Variants in MTPN observed in about 807,000 individuals in gnomAD.
The protein encoded by MTPN is myotrophin, also known as granule cell differentiation protein.
In MTPN, 2 loss-of-function variants were observed where a neutral mutation model predicts 13.5. The ratio of observed to expected loss-of-function variants is 0.15; its 90% confidence interval spans 0.06 to 0.47. The LOEUF (loss-of-function observed/expected upper bound fraction) is 0.47, where lower values mean the gene tolerates loss of function less well. Ranked by LOEUF, MTPN falls within the 20% of genes least tolerant of loss-of-function variation. The pLI, the probability that MTPN is intolerant of heterozygous loss-of-function variation, is 0.97. For missense variants in MTPN, 79 were observed against 137.9 expected (o/e 0.57, Z 2.14); for synonymous variants, 46 against 51.7 (o/e 0.89, Z 0.48).
intron 3 of MTPN, among the ~76,000 whole-genome samples, chr7:135,931,567 G>C (rs1799021710): frequency 6.6e-6 from 1 of 152,152 alleles, no homozygotes; most frequent in African/African-American, 2.4e-5. Flanking sequence ...AAGTGGGAGA[G>C]ACGTCAGTGC....
intron 1 of MTPN, among the ~76,000 whole-genome samples, chr7:135,956,921 C>G (rs190308533): frequency 6.6e-6 from 1 of 152,176 alleles, no homozygotes; most frequent in Non-Finnish European, 1.5e-5. Flanking sequence ...TATTTGCTAT[C>G]TCCAGTGTTT....
At chr7:135,949,277 G>C (rs1799328453) in intron 3 of MTPN, among the ~76,000 whole-genome samples, 1 of 152,098 alleles carries the variant, frequency 6.6e-6, no homozygotes, top group Non-Finnish European at 1.5e-5. Context: ...ATATTTCCCA[G>C]GGATGAAATT....
intron 1 of MTPN, among the ~76,000 whole-genome samples, chr7:135,973,185 G>C (rs997773945): frequency 4.0e-5 from 6 of 149,586 alleles, no homozygotes; most frequent in African/African-American, 1.2e-4. Flanking sequence ...CACCTAAACT[G>C]TGTAAACTGA....
chr7:135,959,204 CAT>C (rs143825810), intron 1 of MTPN, among the ~76,000 whole-genome samples: 1,635 of 152,132 alleles, frequency 0.011, 35 homozygotes, highest in African/African-American at 0.038. Flanking sequence ...GTGGATGTAC[CAT>C]AGTTTACTTA....
intron 1 of MTPN, among the ~76,000 whole-genome samples, chr7:135,958,349 C>T (rs939152171): frequency 3.9e-5 from 6 of 152,206 alleles, no homozygotes; most frequent in African/African-American, 1.4e-4. Flanking sequence ...TCACTTATAA[C>T]AGCTTTGTCA....
Position 135,977,178 on chromosome 7 carries a change from A to G in MTPN, c.-78T>C. ...AGCAGCAAGCGGATGCCGCCGGGCG[A>G]GAGGGAGGCAGGGCCGCGCGAAGCC... On this transcript the variant is annotated 5_prime_UTR_variant, in exon 1 of 4. Transcript: ENST00000393085. The G allele has an allele frequency of 6.9e-7, 1 of 1,455,784 alleles. No homozygotes were observed. The highest frequency in any genetic ancestry group is 9.6e-7 in the Non-Finnish European group (1 of 1,039,608). 90.2% of individuals were successfully genotyped at this position (1,455,784 alleles called of 1,614,324 possible). A position where few individuals can be genotyped will look rare whatever the true frequency, so the allele number is the denominator to read the frequency against.
chr7:135,935,799 T>G (rs2116346524), intron 3 of MTPN, among the ~76,000 whole-genome samples: 1 of 152,238 alleles, frequency 6.6e-6, no homozygotes, highest in Non-Finnish European at 1.5e-5. Context: ...ATGGTTTCTT[T>G]CTTGTCCCTG....
rs557105715 is a variant in MTPN at position 135,970,520 on chromosome 7, ATAGG to A, written c.72+6505_72+6508del. 3.0e-4 allele frequency among the ~76,000 whole-genome samples: 45 copies of A among 152,304 alleles called. 1 individual carries two copies. In the South Asian group the frequency reaches 9.3e-3, roughly 32 times the overall value. Reference sequence around the variant, plus strand: ...TTTATATTTTAAAGAGAGGAACCACATAGGTAGGAAAAATAGTCAATGGGATATT... The same window carrying A: ...TTTATATTTTAAAGAGAGGAACCACATAGGAAAAATAGTCAATGGGATATT... On this transcript the variant is annotated intron_variant, in intron 1 of 3. Coordinates refer to ENST00000393085, the MANE Select transcript of MTPN (RefSeq NM_145808.4).
At chr7:135,935,406 A>ATT (rs373563395) in intron 3 of MTPN, among the ~76,000 whole-genome samples, 2 of 151,864 alleles carry the variant, frequency 1.3e-5, no homozygotes, top group African/African-American at 4.8e-5. Context: ...GCCTGACTAA[A>ATT]TTTTTTTGTA....
chr7:135,949,844 T>C (rs1461114489), intron 3 of MTPN, among the ~76,000 whole-genome samples: 1 of 152,216 alleles, frequency 6.6e-6, no homozygotes, highest in African/African-American at 2.4e-5. Context: ...TTCTCTTGCT[T>C]CTTTTAGTAG....
intron 1 of MTPN, among the ~76,000 whole-genome samples, chr7:135,972,386 A>G (rs1799711180): frequency 6.6e-6 from 1 of 152,212 alleles, no homozygotes. Flanking sequence ...TATTACTTAT[A>G]CTGAAACACT....
Position 135,928,900 on chromosome 7 carries a change from C to G in MTPN, c.*1026G>C, listed in dbSNP as rs888540189. On this transcript the variant is annotated 3_prime_UTR_variant, in exon 4 of 4. Transcript: ENST00000393085. ...AGGGATGGGGCTAAATTTGTCCAAA[C>G]AGTAAATCTCACCCCAGTGATAGCT... The G allele has an allele frequency of 6.0e-6, 1 of 167,082 alleles. No individual in the cohort carries two copies. The highest frequency in any genetic ancestry group is 1.5e-5 in the Non-Finnish European group (1 of 68,124). The allele number at this position is 167,082 out of a possible 1,614,324, so 10.3% of individuals were successfully genotyped here.
chr7:135,949,020 C>T (rs569950972), intron 3 of MTPN, among the ~76,000 whole-genome samples: 4 of 152,222 alleles, frequency 2.6e-5, no homozygotes, highest in African/African-American at 9.6e-5. Context: ...AAAGCCAATG[C>T]TGAGGAAGAG....
intron 1 of MTPN, among the ~76,000 whole-genome samples, chr7:135,966,421 C>A (rs1264030978): frequency 6.6e-6 from 1 of 152,014 alleles, no homozygotes; most frequent in Non-Finnish European, 1.5e-5. Flanking sequence ...ATGAGAGTAC[C>A]ATCATGCATA....
intron 1 of MTPN, among the ~76,000 whole-genome samples, chr7:135,970,275 T>C (rs1799672531): frequency 1.3e-5 from 2 of 152,218 alleles, no homozygotes; most frequent in African/African-American, 4.8e-5. Context: ...TTCAATGTTT[T>C]TCTGAAATTA....
chr7:135,972,240 C>T (rs1799708397), intron 1 of MTPN, among the ~76,000 whole-genome samples: 1 of 132,386 alleles, frequency 7.6e-6, no homozygotes, highest in Non-Finnish European at 1.7e-5. Context: ...CGCACACACA[C>T]ACACACACAC....
intron 1 of MTPN, among the ~76,000 whole-genome samples, chr7:135,966,816 G>A (rs368066666): frequency 6.6e-6 from 1 of 152,078 alleles, no homozygotes; most frequent in Non-Finnish European, 1.5e-5. Context: ...CTTTTGTTGC[G>A]GTGAGCACCA....
At chr7:135,965,065 G>A (rs1296818405) in intron 1 of MTPN, among the ~76,000 whole-genome samples, 2 of 152,008 alleles carry the variant, frequency 1.3e-5, no homozygotes, top group Admixed American at 6.6e-5. Context: ...GACTGCCAAG[G>A]CCTAAAATAT....
intron 3 of MTPN, among the ~76,000 whole-genome samples, chr7:135,945,164 C>T (rs973842097): frequency 6.6e-6 from 1 of 152,094 alleles, no homozygotes; most frequent in Admixed American, 6.5e-5. Context: ...ATCAATGAAG[C>T]CTGCAGGACT....
Sources: allele counts gnomAD v4.1 joint callset (sites outside exome capture counted in the v4.1 genomes callset), GRCh38; gene constraint gnomAD v4.1.1; transcripts MANE v1.5; gene names NCBI Gene and HGNC (gene_info 2026-07-23, HGNC 2026-07-21).